The following CRYBG1 variants were observed in gnomAD, a reference collection of about 807,000 sequenced individuals.
CRYBG1 encodes beta/gamma crystallin domain-containing protein 1.
CRYBG1 carries 139 observed loss-of-function variants against 189.2 expected under a neutral mutation model. That is an observed-to-expected ratio of 0.73 (90% CI 0.64 to 0.85). The LOEUF is 0.85. CRYBG1 is among the 40% of genes least tolerant of loss of function. The pLI is 0.00. For synonymous variants in CRYBG1, 1,023 were observed against 1,017.1 expected, an observed-to-expected ratio of 1.01 and a Z score of -0.11; for missense variants, 2,611 against 2,675.8, an observed-to-expected ratio of 0.98 and a Z score of 0.53.
At position 106,474,960 on chromosome 6, in the gene CRYBG1, C is replaced by G. The variant is rs558428715; in HGVS notation, c.312+23128C>G. Among the ~76,000 whole-genome samples, 20 of 152,208 alleles carry G rather than the reference C, an allele frequency of 1.3e-4. No homozygotes were observed. In the South Asian group the frequency reaches 4.2e-3, roughly 32 times the overall value. On this transcript the variant is annotated intron_variant, in intron 2 of 21. Transcript: ENST00000633556. ...TTTTGCCACCAATGTTGGGGGAAAA[C>G]AGGTAGATTTTTTAAAAACAAAACA...
chr6:106,428,907 C>T (rs1771275822), intron 1 of CRYBG1, among the ~76,000 whole-genome samples: 1 of 152,154 alleles, frequency 6.6e-6, no homozygotes, highest in African/African-American at 2.4e-5. Flanking sequence ...GCATCTTCTC[C>T]AACTTTTTAT....
chr6:106,531,816 C>T (rs1159967199), intron 8 of CRYBG1, among the ~76,000 whole-genome samples: 3 of 152,068 alleles, frequency 2.0e-5, no homozygotes, highest in Non-Finnish European at 4.4e-5. Context: ...GTATTCTTTC[C>T]CTATGGCAGC....
chr6:106,511,851 T>C lies in CRYBG1; in HGVS notation c.734T>C (p.Phe245Ser). Residue 245 changes from phenylalanine (F) to serine (S), a missense_variant, in exon 3 of 22, where the codon TTC becomes TCC. Coordinates refer to ENST00000633556, the MANE Select transcript of CRYBG1 (RefSeq NM_001371242.2). ...CCTCTGGAGGCAGAGGGAGAGCCTT[T>C]CCCAGATGCCACCACCACTGCCAAG... ...LEPLEAEGEP[F>S]PDATTTAKQL... The C allele has an allele frequency of 6.6e-7, 1 of 1,515,204 alleles. No homozygotes were observed. Among genetic ancestry groups the C allele is most frequent in the South Asian group, 1.2e-5 (1 of 82,070 alleles). The allele number at this position is 1,515,204 out of a possible 1,614,324, so 93.9% of individuals were successfully genotyped here.
intron 8 of CRYBG1, among the ~76,000 whole-genome samples, chr6:106,532,211 ATAT>A (rs1320218411): frequency 6.6e-6 from 1 of 152,186 alleles, no homozygotes; most frequent in Non-Finnish European, 1.5e-5. Flanking sequence ...AATATAAAAT[ATAT>A]TATTGTTAAT....
At chr6:106,445,094 T>C (rs1023962535) in intron 1 of CRYBG1, among the ~76,000 whole-genome samples, 3 of 152,230 alleles carry the variant, frequency 2.0e-5, no homozygotes, top group Non-Finnish European at 4.4e-5. Context: ...AGTGATATTC[T>C]TGTGCAACCA....
rs369848500 is a variant in CRYBG1, at chr6:106,520,155, G to A, written c.2947G>A (p.Glu983Lys). 13 of 1,614,030 alleles carry A rather than the reference G, an allele frequency of 8.1e-6. No homozygotes were observed. The African/African-American group carries it at 1.6e-4, about 20-fold the overall frequency. ...QVIPESSEVR[E>K]VQLPTCHSNE... ...CATCCCAGAGAGCTCTGAAGTTAGA[G>A]AAGTGCAGTTGCCAACTTGTCACAG... Residue 983 changes from glutamate (E) to lysine (K), a missense_variant, in exon 4 of 22, where the codon GAA becomes AAA. By Grantham distance (56) the Glu-to-Lys change is moderately conservative (BLOSUM62 1). Transcript: ENST00000633556.
intron 2 of CRYBG1, among the ~76,000 whole-genome samples, chr6:106,505,349 T>C (rs1773108443): frequency 6.6e-6 from 1 of 152,006 alleles, no homozygotes; most frequent in African/African-American, 2.4e-5. Context: ...CCACCTTGGC[T>C]TCCCAAAGTG....
intron 13 of CRYBG1, 29 bp from the exon 14 acceptor site, chr6:106,551,823 T>G (rs759719248): frequency 6.2e-7 from 1 of 1,605,496 alleles, no homozygotes; most frequent in Admixed American, 1.7e-5. Context: ...AAATATGAAC[T>G]CCAACAAGTG....
At chr6:106,436,681 A>C (rs1771466467) in intron 1 of CRYBG1, among the ~76,000 whole-genome samples, 3 of 152,216 alleles carry the variant, frequency 2.0e-5, no homozygotes, top group Non-Finnish European at 4.4e-5. Flanking sequence ...TAATATGGAC[A>C]TGCAATAATT....
chr6:106,520,210 G>A lies in CRYBG1; in HGVS notation c.3002G>A (p.Ser1001Asn), dbSNP rs767030049. 1.3e-5 allele frequency: 21 copies of A among 1,614,166 alleles called. No individual in the cohort carries two copies. The highest frequency in any genetic ancestry group is 3.3e-5 in the South Asian group (3 of 91,084). The change falls in exon 4 of 22, where the codon AGT (serine) becomes AAT (asparagine). Residue 1001 changes from serine to asparagine, a missense_variant. Coordinates refer to ENST00000633556, the MANE Select transcript of CRYBG1 (RefSeq NM_001371242.2). ...GAACCTGAAGTGGTTTCCGTTGCAA[G>A]TTGTGCTCCCCCACAAGAGGAAGTA... ...SNEPEVVSVASCAPPQEEVLG... is the reference protein window; with the variant it reads ...SNEPEVVSVANCAPPQEEVLG...
chr6:106,543,574 G>T lies in CRYBG1; in HGVS notation c.5016G>T (p.Gly1672=). 1.2e-6 allele frequency: 2 copies of T among 1,613,982 alleles called. No homozygotes were observed. The highest frequency in any genetic ancestry group is 1.3e-5 in the African/African-American group (1 of 75,034). ...GDDHLPFTSV[G]SMKVLRGIWV... ...ATCATTTGCCGTTTACGTCAGTGGG[G>T]TCTATGAAAGTTCTAAGAGGCATGT... is the stretch of plus-strand genomic sequence containing the variant. The change falls in exon 11 of 22, where the codon GGG becomes GGT. Residue 1672 remains glycine (G), a synonymous_variant. Transcript: ENST00000633556.
chr6:106,471,552 T>A (rs566816894), intron 2 of CRYBG1, among the ~76,000 whole-genome samples: 2 of 152,254 alleles, frequency 1.3e-5, no homozygotes, highest in African/African-American at 4.8e-5. Context: ...GGCTGGGGAT[T>A]AATTTCTGAA....
At chr6:106,560,608 T>A (rs1774689582) in intron 18 of CRYBG1, among the ~76,000 whole-genome samples, 195 bp from the exon 19 acceptor site, 2 of 152,232 alleles carry the variant, frequency 1.3e-5, no homozygotes, top group South Asian at 4.1e-4. Flanking sequence ...TTGGCATAAG[T>A]ACTCATGTAA....
Position 106,530,272 on chromosome 6 carries a change from G to A in CRYBG1, c.4675G>A (p.Gly1559Ser). 1 of 1,613,524 alleles carries A rather than the reference G, an allele frequency of 6.2e-7. No individual in the cohort carries two copies. The highest frequency in any genetic ancestry group is 8.5e-7 in the Non-Finnish European group (1 of 1,179,736). ...FDDTEEMQGF[G>S]VMQKTCSMKV... ...TGATACTGAAGAAATGCAGGGATTT[G>A]GTGTAATGCAGAAGACTTGTTCCAT... is the stretch of plus-strand genomic sequence containing the variant. Residue 1559 changes from glycine to serine, a missense_variant, in exon 8 of 22, where the codon GGT becomes AGT. Gly to Ser is a moderately conservative substitution (Grantham distance 56). Around this residue, in one of 3 missense-constraint regions of CRYBG1, gnomAD observed 1,622 missense variants for 1,735.0 expected, o/e 0.93. Transcript: ENST00000633556.
chr6:106,379,387 A>C (rs1282665741), intron 1 of CRYBG1, among the ~76,000 whole-genome samples: 1 of 151,320 alleles, frequency 6.6e-6, no homozygotes, highest in African/African-American at 2.4e-5. Flanking sequence ...TCAGTCTCCC[A>C]AGTAGCTGGG....
intron 3 of CRYBG1, among the ~76,000 whole-genome samples, chr6:106,515,922 TAG>T (rs949355369): frequency 1.3e-5 from 2 of 151,386 alleles, no homozygotes; most frequent in Admixed American, 6.6e-5. Context: ...GCCTCCCTAG[TAG>T]CAGGGACTAC....
At position 106,467,004 on chromosome 6, in the gene CRYBG1, C is replaced by T. The variant is rs182191349; in HGVS notation, c.312+15172C>T. Among the ~76,000 whole-genome samples the T allele has an allele frequency of 3.7e-4, 56 of 152,114 alleles. No homozygotes were observed. In the East Asian group the frequency reaches 4.8e-3, roughly 13 times the overall value. On this transcript the variant is annotated intron_variant, in intron 2 of 21. Transcript: ENST00000633556. The stretch of plus-strand genomic sequence containing the variant: ...AGATGGGAACTGAAATCTCAGAAAC[C>T]GACTGAGAGGCCGCTAAAACAGTAT...
At chr6:106,411,213 A>G (rs1038784350) in intron 1 of CRYBG1, among the ~76,000 whole-genome samples, 1 of 152,204 alleles carries the variant, frequency 6.6e-6, no homozygotes, top group Admixed American at 6.5e-5. Flanking sequence ...TTCTACCACA[A>G]GCTGCTGGGT....
At chr6:106,389,800 T>G (rs1770466043) in intron 1 of CRYBG1, among the ~76,000 whole-genome samples, 1 of 152,096 alleles carries the variant, frequency 6.6e-6, no homozygotes, top group Non-Finnish European at 1.5e-5. Flanking sequence ...TTATATATTT[T>G]TGCATATGTT....
Sources: gnomAD v4.1 joint callset for allele counts (sites outside exome capture counted in the v4.1 genomes callset) on GRCh38, gnomAD v4.1.1 for gene constraint, gnomAD v4.1.1 regional missense constraint, MANE v1.5 for transcripts, NCBI Gene and HGNC (gene_info 2026-07-23, HGNC 2026-07-21) for gene names.